The following IGSF21 variants were observed in gnomAD, a reference collection of about 807,000 sequenced individuals.
The protein encoded by IGSF21 is immunoglobin superfamily member 21.
IGSF21 carries 28 observed loss-of-function variants against 46.8 expected under a neutral mutation model. The observed-to-expected ratio is 0.60, with a 90% CI of 0.44 to 0.82. The LOEUF (loss-of-function observed/expected upper bound fraction) is 0.82, where lower values mean the gene tolerates loss of function less well. IGSF21 is among the 40% of genes least tolerant of loss of function. IGSF21 has a pLI of 0.00. For synonymous variants in IGSF21, 284 were observed against 273.6 expected, an observed-to-expected ratio of 1.04 and a Z score of -0.38; for missense variants, 624 against 665.5, an observed-to-expected ratio of 0.94 and a Z score of 0.69.
intron 1 of IGSF21, among the ~76,000 whole-genome samples, chr1:18,130,190 C>T (rs1375642532): frequency 6.6e-6 from 1 of 152,138 alleles, no homozygotes; most frequent in Non-Finnish European, 1.5e-5. Context: ...CCACAAAAGC[C>T]GTGGGAAACC....
chr1:18,177,207 G>GTA (rs1381811925), intron 1 of IGSF21, among the ~76,000 whole-genome samples: 1 of 152,188 alleles, frequency 6.6e-6, no homozygotes, highest in Non-Finnish European at 1.5e-5. Flanking sequence ...GACTCTGGTG[G>GTA]CCTAGAGAAT....
At chr1:18,336,386 A>G (rs1177604761) in intron 4 of IGSF21, among the ~76,000 whole-genome samples, 1 of 152,226 alleles carries the variant, frequency 6.6e-6, no homozygotes, top group Non-Finnish European at 1.5e-5. Context: ...TTTAGTCCTC[A>G]CAACCAATCC....
At chr1:18,304,164 C>A (rs548320005) in intron 3 of IGSF21, among the ~76,000 whole-genome samples, 56 of 152,160 alleles carry the variant, frequency 3.7e-4, no homozygotes, top group Non-Finnish European at 7.2e-4. Context: ...AGGGCCATAG[C>A]CATTGCATTT....
intron 9 of IGSF21, 119 bp from the exon 10 acceptor site, chr1:18,378,137 C>G (rs554614196): frequency 1.3e-6 from 1 of 776,664 alleles, no homozygotes; most frequent in South Asian, 1.7e-5. Flanking sequence ...AGCTGGGCTT[C>G]GAACCCAGTT....
chr1:18,120,111 C>T (rs947548117), intron 1 of IGSF21, among the ~76,000 whole-genome samples: 1 of 152,210 alleles, frequency 6.6e-6, no homozygotes, highest in African/African-American at 2.4e-5. Flanking sequence ...GCAGGCTCAG[C>T]CTGGAGCGTC....
chr1:18,205,038 G>A (rs1481475136), intron 1 of IGSF21, among the ~76,000 whole-genome samples: 1 of 152,136 alleles, frequency 6.6e-6, no homozygotes, highest in African/African-American at 2.4e-5. Flanking sequence ...GTAGGACAGA[G>A]AGGGATTACA....
intron 2 of IGSF21, among the ~76,000 whole-genome samples, chr1:18,268,096 T>C (rs1055369426): frequency 1.3e-5 from 2 of 152,278 alleles, no homozygotes; most frequent in African/African-American, 4.8e-5. Context: ...GCTTAATCAA[T>C]GCATGCAGAA....
At chr1:18,275,022 GA>G (rs1351539597) in intron 2 of IGSF21, among the ~76,000 whole-genome samples, 1 of 146,440 alleles carries the variant, frequency 6.8e-6, no homozygotes, top group Non-Finnish European at 1.5e-5. Context: ...GTAAGACTCT[GA>G]AAAAACAAAA....
chr1:18,330,328 G>T (rs1470064709), intron 3 of IGSF21, among the ~76,000 whole-genome samples: 1 of 152,218 alleles, frequency 6.6e-6, no homozygotes, highest in East Asian at 1.9e-4. Context: ...TGGAAGTGGG[G>T]GGATCCTGGC....
chr1:18,197,621 C>T (rs955703872), intron 1 of IGSF21, among the ~76,000 whole-genome samples: 12 of 152,192 alleles, frequency 7.9e-5, no homozygotes, highest in African/African-American at 1.4e-4. Context: ...CAAAGGCAGA[C>T]GTTGGAATGC....
At chr1:18,271,718 G>C (rs114392515) in intron 2 of IGSF21, among the ~76,000 whole-genome samples, 8 of 152,326 alleles carry the variant, frequency 5.3e-5, no homozygotes, top group African/African-American at 1.9e-4. Flanking sequence ...GCCAGACTCA[G>C]TCTTGGGCTC....
intron 1 of IGSF21, among the ~76,000 whole-genome samples, chr1:18,201,273 C>T (rs367889814): frequency 2.8e-4 from 42 of 152,186 alleles, no homozygotes; most frequent in East Asian, 9.7e-4. Flanking sequence ...TAAGGGCAGC[C>T]GGGCTGACAC....
At chr1:18,312,639 A>G (rs2085500596) in intron 3 of IGSF21, among the ~76,000 whole-genome samples, 1 of 152,156 alleles carries the variant, frequency 6.6e-6, no homozygotes, top group South Asian at 2.1e-4. Context: ...TGCTGCCATC[A>G]TCACATCCCC....
At chr1:18,154,035 G>A (rs1037628355) in intron 1 of IGSF21, among the ~76,000 whole-genome samples, 1 of 152,170 alleles carries the variant, frequency 6.6e-6, no homozygotes, top group Admixed American at 6.5e-5. Context: ...ATCTGCATCC[G>A]TGGGATCCAC....
chr1:18,308,521 A>G (rs1008325816), intron 3 of IGSF21, among the ~76,000 whole-genome samples: 4 of 152,158 alleles, frequency 2.6e-5, no homozygotes. Flanking sequence ...TCTCTCTTTG[A>G]GCTCCACAAC....
Position 18,108,095 on chromosome 1 carries a change from G to T in IGSF21, c.-34G>T. The stretch of plus-strand genomic sequence containing the variant: ...ACCCGCCGCCACCGCCTCCACCCCC[G>T]CCGCCCCGCCACCGCCGCCAGCTCC... On this transcript the variant is annotated 5_prime_UTR_variant, in exon 1 of 10. Coordinates refer to ENST00000251296, the MANE Select transcript of IGSF21 (RefSeq NM_032880.5). 9.1e-7 allele frequency: 1 copy of T among 1,095,170 alleles called. No homozygotes were observed. The highest frequency in any genetic ancestry group is 1.8e-5 in the South Asian group (1 of 56,822). The allele number at this position is 1,095,170 out of a possible 1,614,324, so 67.8% of individuals were successfully genotyped here. A position where few individuals can be genotyped will look rare whatever the true frequency, so the allele number is the denominator to read the frequency against.
rs2085745223 is a variant in IGSF21, at chr1:18,334,440, C to T, written c.306-452C>T. Among the ~76,000 whole-genome samples the T allele has an allele frequency of 6.6e-6, 1 of 152,120 alleles. No homozygotes were observed. Among genetic ancestry groups the T allele is most frequent in the South Asian group, 2.1e-4 (1 of 4,830 alleles). ...GAGTTCCGTCCTGAGCCTCAGTTTC[C>T]TTGTTTATGAAATGGGAATATGGAC... is the stretch of plus-strand genomic sequence containing the variant. On this transcript the variant is annotated intron_variant, in intron 3 of 9. Transcript: ENST00000251296. The surrounding 1 kb of genome is among the most constrained non-coding windows in gnomAD (Gnocchi z 4.3).
At position 18,334,182 on chromosome 1, in the gene IGSF21, C is replaced by T. The variant is rs1344328034; in HGVS notation, c.306-710C>T. On this transcript the variant is annotated intron_variant, in intron 3 of 9. Coordinates refer to ENST00000251296, the MANE Select transcript of IGSF21 (RefSeq NM_032880.5). This position sits in a 1 kb window ranked among gnomAD's most constrained non-coding sequence, Gnocchi z 4.3. Reference sequence around the variant, plus strand: ...TTCTGAGACACCCTCCCAACTACCTCAGAGGTGGAAGTGGCTGCTCCCCAA... The same window carrying T: ...TTCTGAGACACCCTCCCAACTACCTTAGAGGTGGAAGTGGCTGCTCCCCAA... Among the ~76,000 whole-genome samples the T allele has an allele frequency of 1.3e-5, 2 of 152,196 alleles. No individual in the cohort carries two copies. Among genetic ancestry groups the T allele is most frequent in the East Asian group, 3.9e-4 (2 of 5,182 alleles).
chr1:18,238,456 A>G (rs2084693460), intron 2 of IGSF21, among the ~76,000 whole-genome samples: 1 of 152,194 alleles, frequency 6.6e-6, no homozygotes, highest in African/African-American at 2.4e-5. Context: ...GTGGGGGAAG[A>G]CTGGCTTTGG....
Sources: allele counts gnomAD v4.1 joint callset (sites outside exome capture counted in the v4.1 genomes callset), GRCh38; gene constraint gnomAD v4.1.1; non-coding constraint Gnocchi (gnomAD v3.1); transcripts MANE v1.5; gene names NCBI Gene and HGNC (gene_info 2026-07-23, HGNC 2026-07-21).